Variants in CCDC7 observed in about 807,000 individuals in gnomAD.
CCDC7 encodes the protein coiled-coil domain-containing protein 7.
A neutral mutation model predicts 196.9 loss-of-function variants in CCDC7; 183 were observed. The ratio of observed to expected loss-of-function variants is 0.93; its 90% CI spans 0.82 to 1.05. The LOEUF is 1.05. Among genes scored for constraint, CCDC7 ranks in the 50% least tolerant of loss-of-function variants. CCDC7 has a pLI of 0.00. For missense variants in CCDC7, 1,540 were observed against 1,482.2 expected (o/e 1.04, Z -0.64); for synonymous variants, 525 against 484.6 (o/e 1.08, Z -1.10).
intron 20 of CCDC7, among the ~76,000 whole-genome samples, chr10:32,655,553 G>A (rs1422182289): frequency 1.3e-5 from 2 of 152,014 alleles, no homozygotes; most frequent in Non-Finnish European, 2.9e-5. Flanking sequence ...GAGAGACAGA[G>A]TCTTGCTCTG....
At chr10:32,517,233 C>T (rs985739128) in intron 9 of CCDC7, among the ~76,000 whole-genome samples, 7 of 151,820 alleles carry the variant, frequency 4.6e-5, no homozygotes, top group Non-Finnish European at 7.4e-5. Flanking sequence ...TAATCATTAG[C>T]GCTTAAAAAA....
intron 11 of CCDC7, among the ~76,000 whole-genome samples, chr10:32,542,010 G>A (rs2051525193): frequency 1.3e-5 from 2 of 152,132 alleles, no homozygotes; most frequent in East Asian, 1.9e-4. Context: ...GGATAGTAAC[G>A]TGGTTTCTCA....
intron 25 of CCDC7, among the ~76,000 whole-genome samples, chr10:32,723,727 C>T (rs2082726830): frequency 6.6e-6 from 1 of 152,058 alleles, no homozygotes; most frequent in African/African-American, 2.4e-5. Flanking sequence ...CTAAGTTTAA[C>T]AAGATTTCCT....
At chr10:32,500,313 G>T (rs972757053) in intron 9 of CCDC7, among the ~76,000 whole-genome samples, 2 of 150,456 alleles carry the variant, frequency 1.3e-5, no homozygotes, top group African/African-American at 4.9e-5. Flanking sequence ...GGGCGGAGGG[G>T]CTCCTCACTT....
intron 11 of CCDC7, among the ~76,000 whole-genome samples, chr10:32,525,881 G>A (rs2048596195): frequency 1.3e-5 from 2 of 152,018 alleles, no homozygotes; most frequent in Admixed American, 6.6e-5. Flanking sequence ...CTCTCTCTCT[G>A]CTGAGCCATC....
chr10:32,717,014 G>C (rs755453162), intron 25 of CCDC7, among the ~76,000 whole-genome samples: 71 of 152,142 alleles, frequency 4.7e-4, no homozygotes, highest in Admixed American at 2.5e-3. Flanking sequence ...CTTGAACTCA[G>C]CTCTGCACCA....
intron 31 of CCDC7, among the ~76,000 whole-genome samples, chr10:32,822,182 C>A (rs188274633): frequency 6.8e-4 from 104 of 152,188 alleles, no homozygotes; most frequent in African/African-American, 2.2e-3. Flanking sequence ...TTGAAGCCCC[C>A]TAAAAAAGGT....
intron 18 of CCDC7, among the ~76,000 whole-genome samples, chr10:32,587,550 A>G (rs1262616205): frequency 4.6e-5 from 7 of 152,196 alleles, no homozygotes; most frequent in African/African-American, 1.4e-4. Context: ...TTGTTGCACC[A>G]GGGATTAAGT....
intron 21 of CCDC7, among the ~76,000 whole-genome samples, chr10:32,667,062 A>G (rs922209900): frequency 1.2e-4 from 18 of 152,028 alleles, no homozygotes; most frequent in Admixed American, 5.2e-4. Flanking sequence ...TTTAATGATC[A>G]CCATTCTAAC....
chr10:32,647,436 G>A (rs1217516313), intron 20 of CCDC7, among the ~76,000 whole-genome samples: 1 of 16,076 alleles, frequency 6.2e-5, no homozygotes, highest in Non-Finnish European at 2.2e-4. Context: ...TTGAGCCCTG[G>A]GGGGTAGAGG....
intron 13 of CCDC7, among the ~76,000 whole-genome samples, chr10:32,564,664 C>T (rs541815490): frequency 1.0e-4 from 12 of 116,826 alleles, no homozygotes; most frequent in African/African-American, 2.3e-4. Context: ...GGTGGGGGGA[C>T]GGGGGAGGGA....
At chr10:32,623,766 A>G (rs1338948107) in intron 18 of CCDC7, 1 of 470,410 alleles carries the variant, frequency 2.1e-6, no homozygotes, top group Non-Finnish European at 4.4e-6. Flanking sequence ...CGAGGGCCTC[A>G]GGGAGCTTCT....
chr10:32,698,541 G>A (rs1212729263), intron 24 of CCDC7, among the ~76,000 whole-genome samples: 3 of 152,152 alleles, frequency 2.0e-5, no homozygotes, highest in Non-Finnish European at 1.5e-5. Flanking sequence ...CATGGCACGA[G>A]AACTATGTGA....
intron 31 of CCDC7, among the ~76,000 whole-genome samples, 200 bp downstream of exon 32, chr10:32,814,653 G>A (rs192739818): frequency 3.3e-4 from 51 of 152,326 alleles, no homozygotes; most frequent in African/African-American, 1.2e-3. Flanking sequence ...AGAAGGGCTA[G>A]ATGATGGATG....
At chr10:32,665,547 C>G (rs1182730459) in intron 21 of CCDC7, among the ~76,000 whole-genome samples, 2 of 151,886 alleles carry the variant, frequency 1.3e-5, no homozygotes, top group East Asian at 3.9e-4. Flanking sequence ...TTTTTCAACA[C>G]CATTGTATAT....
chr10:32,670,545 C>A (rs111366715), intron 21 of CCDC7, among the ~76,000 whole-genome samples: 4 of 119,602 alleles, frequency 3.3e-5, no homozygotes, highest in East Asian at 5.1e-4. Context: ...TCCCCCCTCC[C>A]CCCACCCCAC....
intron 31 of CCDC7, among the ~76,000 whole-genome samples, chr10:32,819,245 C>A (rs1187126841): frequency 6.6e-6 from 1 of 152,132 alleles, no homozygotes; most frequent in Non-Finnish European, 1.5e-5. Context: ...GACACAAACA[C>A]CCTCCCAAGA....
At chr10:32,593,054 G>T (rs2947059) in intron 18 of CCDC7, among the ~76,000 whole-genome samples, 67,605 of 151,970 alleles carry the variant, frequency 0.44, 15,762 homozygotes, top group East Asian at 0.58. Context: ...AATCCTTTGG[G>T]TATATACCCA....
intron 21 of CCDC7, among the ~76,000 whole-genome samples, chr10:32,684,464 C>T (rs1279301535): frequency 6.6e-6 from 1 of 152,222 alleles, no homozygotes; most frequent in Non-Finnish European, 1.5e-5. Context: ...AGCACTCACT[C>T]TTTCCCCATG....
Sources: gnomAD v4.1 joint callset for allele counts (sites outside exome capture counted in the v4.1 genomes callset) on GRCh38, gnomAD v4.1.1 for gene constraint, MANE v1.5 for transcripts, NCBI Gene and HGNC (gene_info 2026-07-23, HGNC 2026-07-21) for gene names.